The following ITGA10 variants were observed in gnomAD, a reference collection of about 807,000 sequenced individuals.
The protein encoded by ITGA10 is integrin alpha-10.
Under a neutral mutation model 145.2 loss-of-function variants are expected in ITGA10, and 105 were observed. The ratio of observed to expected loss-of-function variants is 0.72; its 90% CI spans 0.62 to 0.85. The LOEUF (loss-of-function observed/expected upper bound fraction) is 0.85. Among genes scored for constraint, ITGA10 ranks in the 40% least tolerant of loss-of-function variants. The pLI is 0.00. For missense variants in ITGA10, 1,317 were observed against 1,444.5 expected (o/e 0.91, Z 1.43); for synonymous variants, 506 against 557.8 (o/e 0.91, Z 1.31).
Position 145,901,603 on chromosome 1 carries a change from A to G in ITGA10, c.1356T>C (p.Pro452=). ...TGACTTTTCCTCGATGTCTAAATCG[A>G]GGAGCCCCAGAGAGAAACAGGCGGC... ...GGRRLFLSGA[P]RFRHRGKVIA... The change falls in exon 12 of 30, where the codon CCT becomes CCC. Residue 452 remains proline (P), a synonymous_variant. Coordinates refer to ENST00000369304, the MANE Select transcript of ITGA10 (RefSeq NM_003637.5). This position sits in a 1 kb window ranked among gnomAD's most constrained non-coding sequence, Gnocchi z 4.3. 6.2e-7 allele frequency: 1 copy of G among 1,606,684 alleles called. No individual in the cohort carries two copies. Among genetic ancestry groups the G allele is most frequent in the Non-Finnish European group, 8.5e-7 (1 of 1,176,938 alleles).
chr1:145,909,834 C>A, intron 1 of ITGA10, 129 bp downstream of exon 1: 2 of 773,288 alleles, frequency 2.6e-6, no homozygotes, highest in Non-Finnish European at 4.6e-6. Context: ...GACACACATA[C>A]AAGAAATGTA....
In ITGA10 at chr1:145,892,585, A is replaced by G; in HGVS notation, c.*213T>C. 2.1e-6 allele frequency: 1 copy of G among 472,848 alleles called. No individual in the cohort carries two copies. Among genetic ancestry groups the G allele is most frequent in the Non-Finnish European group, 3.7e-6 (1 of 267,080 alleles). 29.3% of individuals were successfully genotyped at this position (472,848 alleles called of 1,614,324 possible). On this transcript the variant is annotated 3_prime_UTR_variant, in exon 30 of 30. Transcript: ENST00000369304. ...GAGGAGGGAAGCAGAGGGTGGGAGCATGGCTAGTTTTGGTGCCAGCTCTTC... is the reference window on the plus strand; with the variant it reads ...GAGGAGGGAAGCAGAGGGTGGGAGCGTGGCTAGTTTTGGTGCCAGCTCTTC...
Position 145,901,567 on chromosome 1 carries a change from C to G in ITGA10, c.1392G>C (p.Gln464His). Residue 464 changes from glutamine to histidine, a missense_variant, in exon 12 of 30, where the codon CAG becomes CAC. Coordinates refer to ENST00000369304, the MANE Select transcript of ITGA10 (RefSeq NM_003637.5). This position sits in a 1 kb window ranked among gnomAD's most constrained non-coding sequence, Gnocchi z 4.3. ...CCCTCACAGCCCCATCTTTCTTAAG[C>G]TGGAAGGCGATGACTTTTCCTCGAT... ...FRHRGKVIAF[Q>H]LKKDGAVRVA... 2 of 1,606,584 alleles carry G rather than the reference C, an allele frequency of 1.2e-6. No homozygotes were observed. Among genetic ancestry groups the G allele is most frequent in the Non-Finnish European group, 1.7e-6 (2 of 1,176,916 alleles).
rs782104503 is a variant in ITGA10 at position 145,892,703 on chromosome 1, G to A, written c.*95C>T. Reference sequence around the variant, plus strand: ...TGGTCTGGGGAGATAGTCCAGAGGCGGCTTCTTGTCCCATCTGAGCCCCCA... The same window carrying A: ...TGGTCTGGGGAGATAGTCCAGAGGCAGCTTCTTGTCCCATCTGAGCCCCCA... On this transcript the variant is annotated 3_prime_UTR_variant, in exon 30 of 30. Coordinates refer to ENST00000369304, the MANE Select transcript of ITGA10 (RefSeq NM_003637.5). 12 of 897,682 alleles carry A rather than the reference G, an allele frequency of 1.3e-5. No homozygotes were observed. Among genetic ancestry groups the A allele is most frequent in the South Asian group, 4.3e-5 (3 of 70,382 alleles). The allele number at this position is 897,682 out of a possible 1,614,324, so 55.6% of individuals were successfully genotyped here.
chr1:145,895,675 C>A lies in ITGA10; in HGVS notation c.3070G>T (p.Gly1024Cys). 1 of 1,614,224 alleles carries A rather than the reference C, an allele frequency of 6.2e-7. No individual in the cohort carries two copies. Among genetic ancestry groups the A allele is most frequent in the Non-Finnish European group, 8.5e-7 (1 of 1,180,042 alleles). The change falls in exon 26 of 30, where the codon GGC (glycine) becomes TGC (cysteine). Residue 1024 changes from glycine (G) to cysteine (C), a missense_variant. Transcript: ENST00000369304. ...AGCTCCTCTGGATGCACAGGTGGGC[C>A]TGGGGGTTCAGTCAGGTTCTGCACT... ...CIVQNLTEPP[G>C]PPVHPEELQH...
intron 23 of ITGA10, among the ~76,000 whole-genome samples, 184 bp downstream of exon 23, chr1:145,896,585 T>C (rs1459740072): frequency 2.6e-5 from 4 of 152,120 alleles, no homozygotes; most frequent in African/African-American, 9.7e-5. Context: ...CAAAACACTA[T>C]ACCTAGGAAA....
intron 15 of ITGA10, among the ~76,000 whole-genome samples, chr1:145,899,791 G>T (rs782047791): frequency 6.6e-6 from 1 of 152,138 alleles, no homozygotes; most frequent in Non-Finnish European, 1.5e-5. Context: ...GATTACAGGT[G>T]TGAGCCACTG....
In ITGA10 at chr1:145,904,042, A is replaced by C; in HGVS notation, c.758+10T>G. The C allele has an allele frequency of 1.2e-6, 2 of 1,613,516 alleles. No homozygotes were observed. Among genetic ancestry groups the C allele is most frequent in the Non-Finnish European group, 1.7e-6 (2 of 1,179,848 alleles). ...TCTAGCCTCCCACACCTGTCTTCCC[A>C]ATGCCTCACCAGGCCACCATTATTG... On this transcript the variant is annotated intron_variant, in intron 7 of 29. Transcript: ENST00000369304.
Position 145,902,013 on chromosome 1 carries a change from A to AATCC in ITGA10, c.1154_1157dup (p.Ile386MetfsTer11), listed in dbSNP as rs782392127. 1.2e-6 allele frequency: 2 copies of AATCC among 1,614,150 alleles called. No homozygotes were observed. Among genetic ancestry groups the AATCC allele is most frequent in the Non-Finnish European group, 1.7e-6 (2 of 1,180,026 alleles). On this transcript the variant is annotated frameshift_variant, in exon 11 of 30. Coordinates refer to ENST00000369304, the MANE Select transcript of ITGA10 (RefSeq NM_003637.5). LOFTEE classifies it high-confidence loss of function. ...CATAGGCCCCCACCATCCCAAAAAGAATCCCATCCTGTGGGACAGAAGCAG... is the reference window on the plus strand; with the variant it reads ...CATAGGCCCCCACCATCCCAAAAAGAATCCATCCCATCCTGTGGGACAGAAGCAG...
intron 14 of ITGA10, among the ~76,000 whole-genome samples, chr1:145,900,393 G>C (rs1190634973): frequency 1.3e-5 from 2 of 152,108 alleles, no homozygotes; most frequent in African/African-American, 4.8e-5. Context: ...CTAGCCTCCT[G>C]AGTAACTGGG....
At chr1:145,897,470 C>T (rs376172071) in intron 20 of ITGA10, 42 bp downstream of exon 20, 2 of 1,609,876 alleles carry the variant, frequency 1.2e-6, no homozygotes, top group African/African-American at 1.3e-5. Context: ...CTTCTTCCTC[C>T]TCCTTTCTTT....
chr1:145,907,228 G>C (rs1447137909), intron 2 of ITGA10, 78 bp from the exon 3 acceptor site: 42 of 1,577,434 alleles, frequency 2.7e-5, no homozygotes, highest in Non-Finnish European at 3.4e-5. Flanking sequence ...AGAGCATGGA[G>C]GTGGTAAGTT....
chr1:145,903,405 C>T (rs1349380700), intron 7 of ITGA10, among the ~76,000 whole-genome samples: 6 of 152,092 alleles, frequency 3.9e-5, no homozygotes, highest in African/African-American at 1.4e-4. Flanking sequence ...TGGGCTAGGA[C>T]ATCAGTAGTG....
intron 1 of ITGA10, among the ~76,000 whole-genome samples, chr1:145,908,892 G>C (rs1657489381): frequency 6.6e-6 from 1 of 152,076 alleles, no homozygotes; most frequent in Non-Finnish European, 1.5e-5. Flanking sequence ...GACCACCAAG[G>C]GTAAGAAGTT....
intron 15 of ITGA10, among the ~76,000 whole-genome samples, chr1:145,899,608 A>C (rs1655947319): frequency 6.6e-6 from 1 of 151,794 alleles, no homozygotes; most frequent in Non-Finnish European, 1.5e-5. Context: ...TCCTGGGTTC[A>C]AGTGATTCTC....
At position 145,897,496 on chromosome 1, in the gene ITGA10, C is replaced by G; in HGVS notation, c.2574+16G>C. On this transcript the variant is annotated intron_variant, in intron 20 of 29. Coordinates refer to ENST00000369304, the MANE Select transcript of ITGA10 (RefSeq NM_003637.5). ...TCCTTTCTTTCCTTCTCCCACACCC[C>G]CTCCTCCAAAGGCACCTGAGGAGTG... is the stretch of plus-strand genomic sequence containing the variant. 1.2e-6 allele frequency: 2 copies of G among 1,613,634 alleles called. No individual in the cohort carries two copies. The highest frequency in any genetic ancestry group is 1.7e-6 in the Non-Finnish European group (2 of 1,179,582).
rs1553750256 is a variant in ITGA10 at position 145,904,175 on chromosome 1, C to T, written c.635G>A (p.Ser212Asn). ...TCCCAGGGACCACTCATGTACAGGG[C>T]TCTCCCCATACTGTACCAGTCCCAC... ...IQVGLVQYGESPVHEWSLGDF... is the reference protein window; with the variant it reads ...IQVGLVQYGENPVHEWSLGDF... The change falls in exon 7 of 30, where the codon AGC becomes AAC. Residue 212 changes from serine to asparagine, a missense_variant. Ser to Asn is a conservative substitution (Grantham distance 46). Transcript: ENST00000369304. 1 of 1,614,154 alleles carries T rather than the reference C, an allele frequency of 6.2e-7. No individual in the cohort carries two copies.
At position 145,897,321 on chromosome 1, in the gene ITGA10, C is replaced by T. The variant is rs1655559629; in HGVS notation, c.2593G>A (p.Val865Met). 3 of 1,613,988 alleles carry T rather than the reference C, an allele frequency of 1.9e-6. No homozygotes were observed. The highest frequency in any genetic ancestry group is 2.5e-6 in the Non-Finnish European group (3 of 1,180,012). Residue 865 changes from valine (V) to methionine (M), a missense_variant, in exon 21 of 30, where the codon GTG becomes ATG. Val to Met is a conservative substitution (Grantham distance 21). Coordinates refer to ENST00000369304, the MANE Select transcript of ITGA10 (RefSeq NM_003637.5). The part of the protein sequence containing the change: ...LTPQRESPIK[V>M]ECAAPSAHAR... ...TGAGCAGAAGGGGCGGCACATTCCA[C>T]CTTTATTGGGCTCTCTCTCTGAGGG...
Position 145,897,900 on chromosome 1 carries a change from C to T in ITGA10, c.2347G>A (p.Val783Ile). The T allele has an allele frequency of 6.2e-7, 1 of 1,612,810 alleles. No individual in the cohort carries two copies. The highest frequency in any genetic ancestry group is 1.1e-5 in the South Asian group (1 of 91,026). Residue 783 changes from valine (V) to isoleucine (I), a missense_variant and splice_region_variant, in exon 19 of 30, where the codon GTC becomes ATC. Val to Ile is a conservative substitution (Grantham distance 29). Coordinates refer to ENST00000369304, the MANE Select transcript of ITGA10 (RefSeq NM_003637.5). The part of the protein sequence containing the change: ...EGSPTSIQKL[V>I]PFSKDCGPDN... ...GGGCCACAATCCTTTGAGAAGGGGA[C>T]CTGGAAGAAAGGGAAGGGGCTAAGG...
Sources: gnomAD v4.1 joint callset for allele counts (sites outside exome capture counted in the v4.1 genomes callset) on GRCh38, gnomAD v4.1.1 for gene constraint, Gnocchi (gnomAD v3.1) non-coding constraint, MANE v1.5 for transcripts, NCBI Gene and HGNC (gene_info 2026-07-23, HGNC 2026-07-21) for gene names.